The following HMGN5 variants were observed in gnomAD, a reference collection of about 807,000 sequenced individuals.
HMGN5 encodes high mobility group nucleosome binding domain 5.
A neutral mutation model predicts 9.5 loss-of-function variants in HMGN5; 4 were observed. The observed-to-expected ratio is 0.42, with a 90% CI of 0.21 to 0.96. HMGN5 has a LOEUF of 0.96. HMGN5 is among the 40% of genes least tolerant of loss of function. The probability of loss-of-function intolerance (pLI) is 0.30; values close to 1 mark genes in which losing one functional copy is unlikely to be tolerated. For missense variants in HMGN5, 192 were observed against 187.5 expected (o/e 1.02, Z -0.14); for synonymous variants, 55 against 57.1 (o/e 0.96, Z 0.16).
At chrX:81,153,853 C>G (rs73231017) in intron 1 of HMGN5, among the ~76,000 whole-genome samples, 15 of 103,775 alleles carry the variant, frequency 1.4e-4, no homozygotes, top group Non-Finnish European at 2.9e-4. Flanking sequence ...GTAATGAAAA[C>G]TATAAAACAA....
chrX:81,193,136 T>TG (rs2075498634), intron 1 of HMGN5, among the ~76,000 whole-genome samples: 2 of 111,464 alleles, frequency 1.8e-5, no homozygotes, highest in African/African-American at 6.5e-5. Context: ...GTTTTTCTTG[T>TG]TTCTGGATTA....
Position 81,180,824 on chromosome X carries a change from G to A in HMGN5, c.-124+20913C>T, listed in dbSNP as rs757040842. On this transcript the variant is annotated intron_variant, in intron 1 of 6. Transcript: ENST00000358130. ...CCTAATGTCCATCAATGATAGACTG[G>A]ATTAAGAAAATGTGGCACATGTACA... Among the ~76,000 whole-genome samples, 5 of 111,946 alleles carry A rather than the reference G, an allele frequency of 4.5e-5. No homozygotes were observed. In the South Asian group the frequency reaches 1.9e-3, roughly 42 times the overall value.
intron 1 of HMGN5, among the ~76,000 whole-genome samples, chrX:81,184,645 C>T (rs1342639406): frequency 9.3e-6 from 1 of 108,028 alleles, no homozygotes; most frequent in African/African-American, 3.4e-5. Context: ...TATCATCTGT[C>T]AACTTTTGCT....
intron 1 of HMGN5, among the ~76,000 whole-genome samples, chrX:81,166,024 G>A (rs1395822948): frequency 9.0e-6 from 1 of 110,696 alleles, no homozygotes; most frequent in Non-Finnish European, 1.9e-5. Flanking sequence ...CTGTGTGGGG[G>A]AGATGGGGAC....
Position 81,116,360 on chromosome X carries a change from C to T in HMGN5, c.130-19G>A, listed in dbSNP as rs757245648. 39 of 1,107,294 alleles carry T rather than the reference C, an allele frequency of 3.5e-5. No homozygotes were observed. Among genetic ancestry groups the T allele is most frequent in the Admixed American group, 4.7e-5 (2 of 42,689 alleles). 91.3% of individuals were successfully genotyped at this position (1,107,294 alleles called of 1,213,427 possible). ...TCATTTTCTGCCAAGCAATATAAAA[C>T]AATGAAAGTAAATATACAATTTAAC... On this transcript the variant is annotated intron_variant, in intron 5 of 6. Transcript: ENST00000358130.
At chrX:81,131,603 T>C (rs953983471) in intron 1 of HMGN5, among the ~76,000 whole-genome samples, 2 of 111,789 alleles carry the variant, frequency 1.8e-5, no homozygotes, top group African/African-American at 6.5e-5. Flanking sequence ...ATATGGCATA[T>C]GTACCATCAT....
chrX:81,152,047 GA>G (rs1260196189), intron 1 of HMGN5, among the ~76,000 whole-genome samples: 1 of 111,699 alleles, frequency 9.0e-6, no homozygotes, highest in African/African-American at 3.3e-5. Flanking sequence ...AACCCTAGAA[GA>G]AAACCTAGGC....
At chrX:81,176,582 A>G (rs1393423608) in intron 1 of HMGN5, among the ~76,000 whole-genome samples, 1 of 111,775 alleles carries the variant, frequency 8.9e-6, no homozygotes, top group African/African-American at 3.3e-5. Context: ...CAGTGTAGAG[A>G]AGACCTTAAA....
chrX:81,190,197 G>A (rs1024783785), intron 1 of HMGN5, among the ~76,000 whole-genome samples: 2 of 111,218 alleles, frequency 1.8e-5, no homozygotes, highest in Non-Finnish European at 3.8e-5. Context: ...GTCCCTTATC[G>A]GATATGTCTT....
chrX:81,131,969 C>T (rs780258495), intron 1 of HMGN5, among the ~76,000 whole-genome samples: 5 of 111,528 alleles, frequency 4.5e-5, no homozygotes, highest in Non-Finnish European at 9.4e-5. Context: ...AAAACCCCAT[C>T]ATCTCAGCCA....
intron 2 of HMGN5, among the ~76,000 whole-genome samples, chrX:81,120,999 G>T (rs1569340661): frequency 9.1e-6 from 1 of 109,607 alleles, no homozygotes; most frequent in Non-Finnish European, 1.9e-5. Flanking sequence ...AGTCTGCGCC[G>T]CCTAATGGCA....
chrX:81,135,239 T>A (rs1307293712), intron 1 of HMGN5, among the ~76,000 whole-genome samples: 3 of 111,616 alleles, frequency 2.7e-5, no homozygotes, highest in Admixed American at 9.5e-5. Context: ...GGGAATTTTA[T>A]CCAGAATATA....
intron 1 of HMGN5, among the ~76,000 whole-genome samples, chrX:81,142,801 T>C (rs1261291478): frequency 8.9e-6 from 1 of 111,807 alleles, no homozygotes; most frequent in Non-Finnish European, 1.9e-5. Flanking sequence ...TCACTGGTCA[T>C]AGTAAGTAAA....
At chrX:81,172,164 T>C (rs2075427666) in intron 1 of HMGN5, among the ~76,000 whole-genome samples, 1 of 111,188 alleles carries the variant, frequency 9.0e-6, no homozygotes, top group Non-Finnish European at 1.9e-5. Flanking sequence ...CCTCTGCTCT[T>C]TAAATTTATG....
At chrX:81,201,557 A>G (rs1384898783) in intron 1 of HMGN5, among the ~76,000 whole-genome samples, 180 bp downstream of exon 1, 1 of 112,180 alleles carries the variant, frequency 8.9e-6, no homozygotes, top group Non-Finnish European at 1.9e-5. Context: ...CAAAATTCAA[A>G]AAGAAAACCA....
chrX:81,158,291 T>C (rs1268557707), intron 1 of HMGN5, among the ~76,000 whole-genome samples: 2 of 112,091 alleles, frequency 1.8e-5, no homozygotes, highest in African/African-American at 6.5e-5. Flanking sequence ...CCACCAACAA[T>C]GTAAAAGTGT....
chrX:81,184,241 T>C (rs902617620), intron 1 of HMGN5, among the ~76,000 whole-genome samples: 1 of 111,712 alleles, frequency 9.0e-6, no homozygotes, highest in South Asian at 3.7e-4. Context: ...ACAATAGTAA[T>C]TATTGTGAGA....
At position 81,114,997 on chromosome X, in the gene HMGN5, T is replaced by A. The variant is rs1191392999; in HGVS notation, c.501A>T (p.Gly167=). Residue 167 remains glycine, a synonymous_variant, in exon 7 of 7, where the codon GGA becomes GGT. Coordinates refer to ENST00000358130, the MANE Select transcript of HMGN5 (RefSeq NM_030763.3). ...GKEDKNGNEK[G]EDAKEKEDGK... is the part of the protein sequence containing the mutation. ...CATCTTCTTTCTCTTTTGCATCTTCTCCTTTCTCATTTCCATTTTTATCCT... is the reference window on the plus strand; with the variant it reads ...CATCTTCTTTCTCTTTTGCATCTTCACCTTTCTCATTTCCATTTTTATCCT... 2.6e-6 allele frequency: 3 copies of A among 1,150,178 alleles called. No individual in the cohort carries two copies. Among genetic ancestry groups the A allele is most frequent in the African/African-American group, 1.8e-5 (1 of 54,209 alleles). The allele number at this position is 1,150,178 out of a possible 1,213,427, so 94.8% of individuals were successfully genotyped here. A position where few individuals can be genotyped will look rare whatever the true frequency, so the allele number is the denominator to read the frequency against.
intron 1 of HMGN5, among the ~76,000 whole-genome samples, chrX:81,187,848 T>C (rs2075481665): frequency 9.0e-6 from 1 of 111,325 alleles, no homozygotes; most frequent in African/African-American, 3.3e-5. Context: ...TTTCTTGCTT[T>C]TTTGTGTATC....
Sources: gnomAD v4.1 joint callset for allele counts (sites outside exome capture counted in the v4.1 genomes callset) on GRCh38, gnomAD v4.1.1 for gene constraint, MANE v1.5 for transcripts, NCBI Gene and HGNC (gene_info 2026-07-23, HGNC 2026-07-21) for gene names.